Variants in GNG4 observed in about 807,000 individuals in gnomAD.
GNG4 encodes G protein subunit gamma 4, also known as guanine nucleotide-binding protein G(I)/G(S)/G(O) subunit gamma-4.
In GNG4, 4 loss-of-function variants were observed where a neutral mutation model predicts 5.8. The observed-to-expected ratio is 0.69, with a 90% CI of 0.34 to 1.57. The LOEUF (loss-of-function observed/expected upper bound fraction) is 1.57, where lower values mean the gene tolerates loss of function less well. GNG4 is among the 40% of genes most tolerant of loss of function. The pLI is 0.06. For missense variants in GNG4, 96 were observed against 95.1 expected (o/e 1.01, Z -0.04); for synonymous variants, 29 against 32.9 (o/e 0.88, Z 0.41).
chr1:235,583,908 C>T (rs901588959), intron 2 of GNG4, 60 bp from the exon 3 acceptor site: 9 of 913,700 alleles, frequency 9.9e-6, no homozygotes, highest in Non-Finnish European at 1.6e-5. Flanking sequence ...AGGGGAACCC[C>T]ACCTCCCACC....
intron 1 of GNG4, among the ~76,000 whole-genome samples, chr1:235,604,899 T>C (rs1688327100): frequency 2.0e-5 from 3 of 152,202 alleles, no homozygotes; most frequent in Admixed American, 2.0e-4. Context: ...GAAACGCCTC[T>C]CTGACAATTG....
chr1:235,616,075 T>C, intron 1 of GNG4: 1 of 400,648 alleles, frequency 2.5e-6, no homozygotes, highest in South Asian at 1.9e-5. Context: ...AGTTCCCACA[T>C]GACTTTGTCA....
In GNG4 at chr1:235,648,733, G is replaced by A. The variant is rs1319173255; in HGVS notation, c.-123+929C>T. On this transcript the variant is annotated intron_variant, in intron 1 of 3. Coordinates refer to ENST00000391854, the MANE Select transcript of GNG4 (RefSeq NM_001098722.2). The surrounding 1 kb of genome is among the most constrained non-coding windows in gnomAD (Gnocchi z 5.0). Reference sequence around the variant, plus strand: ...CCTTTTGCTCCGGCTGAGAGGCACGGGCCCGGTGCCAGCATTTGACAGTCC... The same window carrying A: ...CCTTTTGCTCCGGCTGAGAGGCACGAGCCCGGTGCCAGCATTTGACAGTCC... Among the ~76,000 whole-genome samples the A allele has an allele frequency of 1.3e-5, 2 of 152,232 alleles. No homozygotes were observed. The highest frequency in any genetic ancestry group is 4.8e-5 in the African/African-American group (2 of 41,452).
chr1:235,597,128 T>A (rs192600685), intron 1 of GNG4, among the ~76,000 whole-genome samples: 2 of 152,298 alleles, frequency 1.3e-5, no homozygotes, highest in East Asian at 3.9e-4. Context: ...TCCAGGACAG[T>A]CTCTCCAGGA....
chr1:235,557,132 G>T (rs1396028947), intron 3 of GNG4, among the ~76,000 whole-genome samples: 2 of 152,102 alleles, frequency 1.3e-5, no homozygotes, highest in African/African-American at 4.8e-5. Context: ...ATGGCCCGGC[G>T]GTTGGGGACC....
intron 1 of GNG4, among the ~76,000 whole-genome samples, chr1:235,634,676 C>T (rs1688997851): frequency 6.6e-6 from 1 of 152,256 alleles, no homozygotes; most frequent in African/African-American, 2.4e-5. Context: ...GACGCAGTGG[C>T]TCACGCCTGT....
rs1352281354 is a variant in GNG4 at position 235,549,092 on chromosome 1, T to G, written c.*3017A>C. 1 of 152,194 alleles carries G rather than the reference T, an allele frequency of 6.6e-6. No individual in the cohort carries two copies. Among genetic ancestry groups the G allele is most frequent in the Non-Finnish European group, 1.5e-5 (1 of 68,156 alleles). 9.4% of individuals were successfully genotyped at this position (152,194 alleles called of 1,614,324 possible). ...CCTGCAATCCCAGCTCCTCGTGAGG[T>G]TGAGGCACAAGAATCGCTTGAACCC... On this transcript the variant is annotated 3_prime_UTR_variant, in exon 4 of 4. Transcript: ENST00000391854.
At chr1:235,594,070 C>T (rs889756679) in intron 2 of GNG4, among the ~76,000 whole-genome samples, 13 of 152,158 alleles carry the variant, frequency 8.5e-5, no homozygotes, top group Non-Finnish European at 1.5e-4. Flanking sequence ...TGACAGGGTG[C>T]TGATTGGTGC....
At position 235,600,100 on chromosome 1, in the gene GNG4, C is replaced by CTTTTTTTTTTTTTTTTTTTTTTTTT. The variant is rs533853180; in HGVS notation, c.-122-4614_-122-4590dup. Among the ~76,000 whole-genome samples, 2 of 43,138 alleles carry CTTTTTTTTTTTTTTTTTTTTTTTTT rather than the reference C, an allele frequency of 4.6e-5. 1 individual carries two copies. The highest frequency in any genetic ancestry group is 8.2e-5 in the Non-Finnish European group (2 of 24,362). 28.3% of individuals were successfully genotyped at this position (43,138 alleles called of 152,430 possible). A position where few individuals can be genotyped will look rare whatever the true frequency, so the allele number is the denominator to read the frequency against. ...TCCTTTATCTGGTTGCGGAAGAAAG[C>CTTTTTTTTTTTTTTTTTTTTTTTTT]TTTTTTTTTTTTTTTTTTTTTTTTT... On this transcript the variant is annotated intron_variant, in intron 1 of 3. Transcript: ENST00000391854.
rs1188767249 is a variant in GNG4 at position 235,624,265 on chromosome 1, G to T, written c.-123+25397C>A. On this transcript the variant is annotated intron_variant, in intron 1 of 3. Coordinates refer to ENST00000391854, the MANE Select transcript of GNG4 (RefSeq NM_001098722.2). ...TTACAGCCACGCACCACCACGCCCG[G>T]CTAATTTTTGTATTTTTTTTTTTTT... Among the ~76,000 whole-genome samples, 3 of 151,734 alleles carry T rather than the reference G, an allele frequency of 2.0e-5. No individual in the cohort carries two copies. In the East Asian group the frequency reaches 5.8e-4, roughly 29 times the overall value.
chr1:235,624,246 C>A (rs11579082), intron 1 of GNG4, among the ~76,000 whole-genome samples: 2 of 151,674 alleles, frequency 1.3e-5, no homozygotes, highest in Admixed American at 1.3e-4. Context: ...GGGATTACAG[C>A]CACGCACCAC....
At chr1:235,625,140 G>A (rs564005181) in intron 1 of GNG4, among the ~76,000 whole-genome samples, 1 of 152,142 alleles carries the variant, frequency 6.6e-6, no homozygotes, top group Admixed American at 6.5e-5. Flanking sequence ...TTTGCAGGCC[G>A]ACCCTGTGAC....
chr1:235,635,248 T>A lies in GNG4; in HGVS notation c.-123+14414A>T, dbSNP rs180824366. 2.0e-5 allele frequency among the ~76,000 whole-genome samples: 3 copies of A among 152,012 alleles called. No homozygotes were observed. In the East Asian group the frequency reaches 5.9e-4, roughly 30 times the overall value. On this transcript the variant is annotated intron_variant, in intron 1 of 3. Transcript: ENST00000391854. ...ATCCAAATCTCATATTAAAATGTGA[T>A]TCCTTTGGGAGGCTGAGACGGGTGG...
intron 2 of GNG4, among the ~76,000 whole-genome samples, chr1:235,590,192 T>C (rs940368354): frequency 9.9e-5 from 15 of 152,228 alleles, no homozygotes; most frequent in Admixed American, 5.2e-4. Context: ...TGGTGGCTCA[T>C]GCCTGTAATT....
rs1483936044 is a variant in GNG4 at position 235,578,712 on chromosome 1, G to C, written c.99+5028C>G. The stretch of plus-strand genomic sequence containing the variant: ...GCATGATCTCACTTATATGTGGAGT[G>C]TAAAAAAGTCAAATTTATAGAAATA... On this transcript the variant is annotated intron_variant, in intron 3 of 3. Coordinates refer to ENST00000391854, the MANE Select transcript of GNG4 (RefSeq NM_001098722.2). 2.0e-5 allele frequency among the ~76,000 whole-genome samples: 3 copies of C among 152,168 alleles called. No homozygotes were observed. The South Asian group carries it at 6.2e-4, about 32-fold the overall frequency.
At chr1:235,603,553 C>T (rs1405030988) in intron 1 of GNG4, among the ~76,000 whole-genome samples, 1 of 152,072 alleles carries the variant, frequency 6.6e-6, no homozygotes, top group Non-Finnish European at 1.5e-5. Flanking sequence ...GGGGATGACT[C>T]TTCCCCACTC....
At chr1:235,583,897 TA>T in intron 2 of GNG4, 49 bp from the exon 3 acceptor site, 1 of 1,193,884 alleles carries the variant, frequency 8.4e-7, no homozygotes, top group Non-Finnish European at 1.2e-6. Flanking sequence ...CTTCCAAGGG[TA>T]GGGGAACCCC....
intron 1 of GNG4, among the ~76,000 whole-genome samples, chr1:235,636,729 G>A (rs1032655339): frequency 5.9e-5 from 9 of 152,188 alleles, no homozygotes; most frequent in African/African-American, 1.7e-4. Flanking sequence ...AATACTGACA[G>A]GCGATGGCAT....
In GNG4 at chr1:235,649,656, A is replaced by T. The variant is rs1470300621; in HGVS notation, c.-123+6T>A. Reference sequence around the variant, plus strand: ...CACCCGGGGCTCCGGCCGGGCGCCCACTTACCCGGAGCGGGATCACGCGCG... The same window carrying T: ...CACCCGGGGCTCCGGCCGGGCGCCCTCTTACCCGGAGCGGGATCACGCGCG... On this transcript the variant is annotated splice_donor_region_variant and intron_variant, in intron 1 of 3. Transcript: ENST00000391854. This position sits in a 1 kb window ranked among gnomAD's most constrained non-coding sequence, Gnocchi z 5.7. 6.6e-6 allele frequency: 1 copy of T among 151,928 alleles called. No homozygotes were observed. Among genetic ancestry groups the T allele is most frequent in the Non-Finnish European group, 1.5e-5 (1 of 67,956 alleles). 9.4% of individuals were successfully genotyped at this position (151,928 alleles called of 1,614,324 possible).
Sources: allele counts gnomAD v4.1 joint callset (sites outside exome capture counted in the v4.1 genomes callset), GRCh38; gene constraint gnomAD v4.1.1; non-coding constraint Gnocchi (gnomAD v3.1); transcripts MANE v1.5; gene names NCBI Gene and HGNC (gene_info 2026-07-23, HGNC 2026-07-21).